ARHGAP44: variants seen among roughly 807,000 people sequenced by gnomAD.
ARHGAP44 encodes rho GTPase-activating protein 44.
ARHGAP44 carries 43 observed loss-of-function variants against 106.8 expected under a neutral mutation model. The ratio of observed to expected loss-of-function variants is 0.40; its 90% CI spans 0.32 to 0.52. ARHGAP44 has a LOEUF of 0.52. ARHGAP44 is among the 20% of genes least tolerant of loss of function. The pLI, the probability that ARHGAP44 is intolerant of heterozygous loss-of-function variation, is 0.48. For missense variants in ARHGAP44, 866 were observed against 1,050.5 expected (o/e 0.82, Z 2.43); for synonymous variants, 439 against 410.3 (o/e 1.07, Z -0.85).
intron 13 of ARHGAP44, among the ~76,000 whole-genome samples, chr17:12,953,266 C>T (rs769406561): frequency 2.6e-5 from 4 of 152,170 alleles, no homozygotes; most frequent in African/African-American, 7.2e-5. Context: ...CCACTTCCGG[C>T]GCGCTGCAGA....
At chr17:12,964,930 CTT>C (rs773158223) in intron 16 of ARHGAP44, among the ~76,000 whole-genome samples, 6 of 152,168 alleles carry the variant, frequency 3.9e-5, no homozygotes, top group Non-Finnish European at 5.9e-5. Context: ...CCATCTGAGA[CTT>C]CAGTAGACCA....
chr17:12,896,436 G>GGT lies in ARHGAP44; in HGVS notation c.126_127dup (p.Ser43CysfsTer30). 6.2e-7 allele frequency: 1 copy of GGT among 1,608,164 alleles called. No individual in the cohort carries two copies. The highest frequency in any genetic ancestry group is 8.5e-7 in the Non-Finnish European group (1 of 1,177,614). On this transcript the variant is annotated frameshift_variant, in exon 3 of 21. Coordinates refer to ENST00000379672, the MANE Select transcript of ARHGAP44 (RefSeq NM_014859.6). LOFTEE classifies it high-confidence loss of function. Reference sequence around the variant, plus strand: ...AGAAGCGTCTGGAGCTGGTGAAACAGGTGTCCCACAGCACGCACAAGAAGC... The same window carrying GGT: ...AGAAGCGTCTGGAGCTGGTGAAACAGGTGTGTCCCACAGCACGCACAAGAAGC...
intron 1 of ARHGAP44, among the ~76,000 whole-genome samples, chr17:12,868,991 A>G (rs2036325406): frequency 6.6e-6 from 1 of 152,042 alleles, no homozygotes; most frequent in Admixed American, 6.6e-5. Flanking sequence ...TATTACCATA[A>G]AAGAGCATAA....
intron 16 of ARHGAP44, 129 bp downstream of exon 16, chr17:12,959,026 C>T: frequency 1.7e-5 from 19 of 1,135,836 alleles, no homozygotes; most frequent in Non-Finnish European, 2.3e-5. Flanking sequence ...TGACTCGTAG[C>T]AATTAAACTG....
intron 1 of ARHGAP44, among the ~76,000 whole-genome samples, chr17:12,851,076 G>C (rs1346248229): frequency 6.6e-6 from 1 of 152,196 alleles, no homozygotes. Flanking sequence ...TTGTGGTTCT[G>C]TGCTCCTCAA....
intron 3 of ARHGAP44, among the ~76,000 whole-genome samples, chr17:12,905,160 C>G (rs2037510595): frequency 6.6e-6 from 1 of 151,764 alleles, no homozygotes; most frequent in African/African-American, 2.4e-5. Context: ...GATCTGCCCG[C>G]CTCAGCCTCC....
In ARHGAP44 at chr17:12,833,138, G is replaced by C. The variant is rs191297112; in HGVS notation, c.53+43247G>C. ...AGGGTAGTCTTCGTTCTGTTTCTCTGTTTTGTCGGAGAGGGCAGTGCCACT... is the reference window on the plus strand; with the variant it reads ...AGGGTAGTCTTCGTTCTGTTTCTCTCTTTTGTCGGAGAGGGCAGTGCCACT... On this transcript the variant is annotated intron_variant, in intron 1 of 20. Transcript: ENST00000379672. Among the ~76,000 whole-genome samples, 152 of 152,318 alleles carry C rather than the reference G, an allele frequency of 1.0e-3. 2 individuals are homozygous for C. In the East Asian group the frequency reaches 0.024, roughly 24 times the overall value.
At chr17:12,831,844 CT>C (rs2035098111) in intron 1 of ARHGAP44, among the ~76,000 whole-genome samples, 1 of 152,146 alleles carries the variant, frequency 6.6e-6, no homozygotes, top group South Asian at 2.1e-4. Context: ...TTTGAGTGTT[CT>C]CAGGCAAGCA....
At chr17:12,896,572 TC>T (rs2150921392) in intron 3 of ARHGAP44, 61 bp downstream of exon 3, 1 of 1,409,968 alleles carries the variant, frequency 7.1e-7, no homozygotes, top group Non-Finnish European at 9.7e-7. Context: ...AGGTTCCTAC[TC>T]CTGTGACACT....
chr17:12,953,671 G>A (rs1044697738), intron 13 of ARHGAP44, among the ~76,000 whole-genome samples: 8 of 152,256 alleles, frequency 5.3e-5, no homozygotes, highest in East Asian at 1.9e-4. Flanking sequence ...TTCATGTAAC[G>A]GATGCCATTC....
chr17:12,941,192 T>G (rs2038699669), intron 8 of ARHGAP44, 68 bp downstream of exon 8: 1 of 1,423,138 alleles, frequency 7.0e-7, no homozygotes, highest in South Asian at 1.2e-5. Context: ...GGCATGGAAT[T>G]AAGAGTCCCT....
intron 1 of ARHGAP44, among the ~76,000 whole-genome samples, chr17:12,840,870 G>A (rs773360668): frequency 6.6e-6 from 1 of 152,120 alleles, no homozygotes; most frequent in Non-Finnish European, 1.5e-5. Context: ...TGATGACCGC[G>A]ATGTGAACAC....
At chr17:12,931,850 AC>A (rs1231098351) in intron 7 of ARHGAP44, among the ~76,000 whole-genome samples, 2 of 121,194 alleles carry the variant, frequency 1.7e-5, no homozygotes, top group South Asian at 2.9e-4. Context: ...ATACACACAC[AC>A]ACACACACAC....
chr17:12,868,920 G>T (rs2036322620), intron 1 of ARHGAP44, among the ~76,000 whole-genome samples: 2 of 151,460 alleles, frequency 1.3e-5, no homozygotes. Flanking sequence ...CCTCCCAAAG[G>T]CTGGGATTAC....
chr17:12,894,426 T>A (rs1328264737), intron 1 of ARHGAP44, among the ~76,000 whole-genome samples: 1 of 152,178 alleles, frequency 6.6e-6, no homozygotes, highest in African/African-American at 2.4e-5. Context: ...TCCTCCAGCA[T>A]CCAGGTTCTT....
chr17:12,892,839 A>T (rs2037088286), intron 1 of ARHGAP44, among the ~76,000 whole-genome samples: 1 of 151,274 alleles, frequency 6.6e-6, no homozygotes. Flanking sequence ...CAGATCTAAA[A>T]TTTTTGTTTC....
At chr17:12,921,223 C>T (rs921989115) in intron 6 of ARHGAP44, among the ~76,000 whole-genome samples, 8 of 152,174 alleles carry the variant, frequency 5.3e-5, no homozygotes, top group East Asian at 3.9e-4. Flanking sequence ...CCTGCCACCA[C>T]GCTCAGCTAA....
At chr17:12,940,992 TTATGCATTAGCCACTCTCCATTGGTTTA>T (rs1305368156) in intron 7 of ARHGAP44, 36 bp from the exon 8 acceptor site, 23 of 1,413,468 alleles carry the variant, frequency 1.6e-5, no homozygotes, top group Non-Finnish European at 2.2e-5. Flanking sequence ...ATGTGTTGAC[TTATGCATTAGCCACTCTCCATTGGTTTA>T]TGTTTTACCT....
intron 15 of ARHGAP44, among the ~76,000 whole-genome samples, chr17:12,957,593 T>C (rs2039161547): frequency 6.6e-6 from 1 of 152,018 alleles, no homozygotes; most frequent in Non-Finnish European, 1.5e-5. Flanking sequence ...GGCAATGAGA[T>C]TCTTTTTTTT....
Sources: allele counts gnomAD v4.1 joint callset (sites outside exome capture counted in the v4.1 genomes callset), GRCh38; gene constraint gnomAD v4.1.1; transcripts MANE v1.5; gene names NCBI Gene and HGNC (gene_info 2026-07-23, HGNC 2026-07-21).